The following RIPOR3 variants were observed in gnomAD, a reference collection of about 807,000 sequenced individuals.
RIPOR3 encodes RIPOR family member 3.
In RIPOR3, 95 loss-of-function variants were observed where a neutral mutation model predicts 114.3. The observed-to-expected ratio is 0.83, with a 90% CI of 0.70 to 0.99. RIPOR3 has a LOEUF of 0.99. Among genes scored for constraint, RIPOR3 ranks in the 50% least tolerant of loss-of-function variants. RIPOR3 has a pLI of 0.00. For missense variants in RIPOR3, 1,252 were observed against 1,266.9 expected, an observed-to-expected ratio of 0.99 and a Z score of 0.18; for synonymous variants, 575 against 543.8, an observed-to-expected ratio of 1.06 and a Z score of -0.80.
chr20:50,637,882 A>G (rs537530607), intron 1 of RIPOR3, among the ~76,000 whole-genome samples: 4 of 151,986 alleles, frequency 2.6e-5, no homozygotes, highest in African/African-American at 9.7e-5. Flanking sequence ...CTCAAAAAAA[A>G]ATTTTTTTAA....
chr20:50,666,470 T>C (rs143348579), intron 1 of RIPOR3, among the ~76,000 whole-genome samples: 2,609 of 151,840 alleles, frequency 0.017, 89 homozygotes, highest in African/African-American at 0.06. Flanking sequence ...GTGATCCACC[T>C]GCCCCGACCT....
intron 21 of RIPOR3, 52 bp from the exon 22 acceptor site, chr20:50,587,384 C>T (rs1306482701): frequency 6.6e-7 from 1 of 1,508,624 alleles, no homozygotes; most frequent in Admixed American, 1.7e-5. Flanking sequence ...TTGGCACTTC[C>T]AACTCTCCTG....
rs777272607 is a variant in RIPOR3, at chr20:50,602,286, C to A, written c.1445G>T (p.Ser482Ile). 2.1e-4 allele frequency: 345 copies of A among 1,613,748 alleles called. 2 individuals carry two copies. Among genetic ancestry groups the A allele is most frequent in the Non-Finnish European group, 2.9e-4 (340 of 1,179,946 alleles). Residue 482 changes from serine to isoleucine, a missense_variant, in exon 13 of 22, where the codon AGC becomes ATC. Ser to Ile is a moderately radical substitution (Grantham distance 142, BLOSUM62 -2). Coordinates refer to ENST00000327979, the MANE Select transcript of RIPOR3 (RefSeq NM_001290268.2). This position sits in a 1 kb window ranked among gnomAD's most constrained non-coding sequence, Gnocchi z 4.3. ...GWRNLGGESP[S>I]LPQGSLFHSG... Reference sequence around the variant, plus strand: ...GTGGAACAGGGAGCCCTGTGGCAGGCTGGGGCTCTCCCCTCCTAAGTTCCT... The same window carrying A: ...GTGGAACAGGGAGCCCTGTGGCAGGATGGGGCTCTCCCCTCCTAAGTTCCT...
At chr20:50,634,452 G>A (rs2084919220) in intron 1 of RIPOR3, among the ~76,000 whole-genome samples, 1 of 152,044 alleles carries the variant, frequency 6.6e-6, no homozygotes, top group South Asian at 2.1e-4. Context: ...TGTTTCCTCT[G>A]GATGCCCCTG....
At chr20:50,596,402 G>A in intron 14 of RIPOR3, 139 bp from the exon 15 acceptor site, 1 of 1,253,910 alleles carries the variant, frequency 8.0e-7, no homozygotes, top group Middle Eastern at 2.1e-4. Flanking sequence ...GAAGAGGAAG[G>A]GGAAAGGAAC....
At chr20:50,626,463 AG>A (rs1463431477) in intron 2 of RIPOR3, among the ~76,000 whole-genome samples, 2 of 152,198 alleles carry the variant, frequency 1.3e-5, no homozygotes, top group African/African-American at 4.8e-5. Context: ...CCTGGTGTCA[AG>A]GGGATGGATC....
chr20:50,608,504 C>T lies in RIPOR3; in HGVS notation c.841G>A (p.Ala281Thr), dbSNP rs762712601. ...ATGTCACACGTCACTGCACCCACAG[C>T]CAGCGAGCCCAGGCCCCGCAACTCC... is the stretch of plus-strand genomic sequence containing the variant. ...VTELRGLGSL[A>T]VGAVTCDIAD... Residue 281 changes from alanine (A) to threonine (T), a missense_variant, in exon 11 of 22, where the codon GCT (alanine) becomes ACT (threonine). By Grantham distance (58) the Ala-to-Thr change is moderately conservative (BLOSUM62 0). Transcript: ENST00000327979. 6 of 1,613,910 alleles carry T rather than the reference C, an allele frequency of 3.7e-6. No individual in the cohort carries two copies. The highest frequency in any genetic ancestry group is 5.1e-6 in the Non-Finnish European group (6 of 1,179,924).
intron 17 of RIPOR3, among the ~76,000 whole-genome samples, chr20:50,593,782 C>G (rs1263593589): frequency 6.6e-6 from 1 of 152,162 alleles, no homozygotes; most frequent in African/African-American, 2.4e-5. Context: ...TGCATGTCAA[C>G]AAGCAGTCCA....
At chr20:50,591,224 A>G (rs1381851087) in intron 19 of RIPOR3, among the ~76,000 whole-genome samples, 1 of 152,244 alleles carries the variant, frequency 6.6e-6, no homozygotes, top group Admixed American at 6.5e-5. Context: ...AGGCTTGGAA[A>G]TTTGAACATA....
intron 18 of RIPOR3, 61 bp downstream of exon 18, chr20:50,592,974 T>G (rs2083161783): frequency 1.3e-6 from 2 of 1,582,034 alleles, no homozygotes; most frequent in East Asian, 2.2e-5. Context: ...CCTGAGAAAC[T>G]GCATGTGACA....
chr20:50,592,700 G>A (rs1024445173), intron 18 of RIPOR3, among the ~76,000 whole-genome samples, 154 bp from the exon 19 acceptor site: 3 of 152,144 alleles, frequency 2.0e-5, no homozygotes, highest in African/African-American at 7.2e-5. Context: ...AATTTCACAG[G>A]GAGCTCCTGG....
intron 13 of RIPOR3, among the ~76,000 whole-genome samples, chr20:50,600,512 G>A (rs1021206887): frequency 7.2e-5 from 11 of 152,064 alleles, no homozygotes; most frequent in African/African-American, 9.7e-5. Flanking sequence ...TAATCCCAAC[G>A]CTTCGGGAGG....
chr20:50,682,630 C>G (rs202146070), intron 1 of RIPOR3, among the ~76,000 whole-genome samples: 8 of 20,654 alleles, frequency 3.9e-4, no homozygotes, highest in East Asian at 4.9e-3. Flanking sequence ...GTGTGTGTGT[C>G]TGCATGTATG....
chr20:50,591,789 A>C (rs556782948), intron 19 of RIPOR3, among the ~76,000 whole-genome samples: 11 of 152,362 alleles, frequency 7.2e-5, no homozygotes, highest in Admixed American at 5.2e-4. Context: ...AAAGTAAATA[A>C]GGATGACTAT....
intron 1 of RIPOR3, among the ~76,000 whole-genome samples, chr20:50,641,807 T>C (rs935488537): frequency 2.2e-4 from 34 of 152,254 alleles, no homozygotes; most frequent in Non-Finnish European, 2.1e-4. Flanking sequence ...GCCACTGGCC[T>C]GGCTGAGACA....
chr20:50,587,882 CT>C lies in RIPOR3; in HGVS notation c.2671del (p.Ser891AlafsTer33). The C allele has an allele frequency of 1.9e-6, 3 of 1,614,142 alleles. No homozygotes were observed. The highest frequency in any genetic ancestry group is 2.5e-6 in the Non-Finnish European group (3 of 1,180,038). ...GCACAGGCTGGCAGTCTGGTCGATG[CT>C]TTCAATGCCCTGTTCGAGATTAGGA... ...LALKHLKGIE[S>X]IDQTASLCQS... is the part of the protein sequence containing the mutation. On this transcript the variant is annotated frameshift_variant, in exon 21 of 22. Coordinates refer to ENST00000327979, the MANE Select transcript of RIPOR3 (RefSeq NM_001290268.2). LOFTEE classifies it high-confidence loss of function.
chr20:50,636,359 A>C (rs1237812966), intron 1 of RIPOR3, among the ~76,000 whole-genome samples: 1 of 152,104 alleles, frequency 6.6e-6, no homozygotes, highest in Non-Finnish European at 1.5e-5. Flanking sequence ...CCCTCCCACC[A>C]TGTGTCACCA....
intron 1 of RIPOR3, among the ~76,000 whole-genome samples, chr20:50,647,344 G>A (rs574296478): frequency 2.8e-4 from 42 of 152,068 alleles, no homozygotes; most frequent in African/African-American, 6.5e-4. Flanking sequence ...GAAAAGTGAC[G>A]TCTGGGGACC....
At position 50,620,132 on chromosome 20, in the gene RIPOR3, T is replaced by A; in HGVS notation, c.123A>T (p.Ala41=). 6.2e-7 allele frequency: 1 copy of A among 1,613,696 alleles called. No individual in the cohort carries two copies. The highest frequency in any genetic ancestry group is 1.7e-4 in the Middle Eastern group (1 of 6,052). Residue 41 remains alanine, a splice_region_variant and synonymous_variant, in exon 3 of 22, where the codon GCA becomes GCT. Coordinates refer to ENST00000327979, the MANE Select transcript of RIPOR3 (RefSeq NM_001290268.2). ...TCACGGAGTTCCTGTTGATGGACTT[T>A]CTGTGAGAAGGGTTGGAGGGCAAGA... The part of the protein sequence containing the change: ...GFSSAQSRRI[A]KSINRNSVRS...
Sources: allele counts gnomAD v4.1 joint callset (sites outside exome capture counted in the v4.1 genomes callset), GRCh38; gene constraint gnomAD v4.1.1; non-coding constraint Gnocchi (gnomAD v3.1); transcripts MANE v1.5; gene names NCBI Gene and HGNC (gene_info 2026-07-23, HGNC 2026-07-21).